LAMA2: variants seen among roughly 807,000 people sequenced by gnomAD.
The protein encoded by LAMA2 is laminin subunit alpha 2, also known as laminin subunit alpha-2.
A neutral mutation model predicts 364.8 loss-of-function variants in LAMA2; 269 were observed. That is an observed-to-expected ratio of 0.74 (90% CI 0.67 to 0.82). The LOEUF is 0.82. Ranked by LOEUF, LAMA2 falls within the 40% of genes least tolerant of loss-of-function variation. The probability of loss-of-function intolerance (pLI) is 0.00; values close to 1 mark genes in which losing one functional copy is unlikely to be tolerated. For synonymous variants in LAMA2, 1,379 were observed against 1,370.6 expected (o/e 1.01, Z -0.14); for missense variants, 3,807 against 3,873.2 (o/e 0.98, Z 0.45).
At chr6:129,319,487 C>T (rs1226351656) in intron 27 of LAMA2, among the ~76,000 whole-genome samples, 3 of 152,052 alleles carry the variant, frequency 2.0e-5, no homozygotes, top group South Asian at 2.1e-4. Context: ...TTTGAGGAAG[C>T]AAAAATGCAA....
At chr6:129,421,051 A>G (rs1345244916) in intron 40 of LAMA2, among the ~76,000 whole-genome samples, 3 of 152,194 alleles carry the variant, frequency 2.0e-5, no homozygotes, top group Admixed American at 2.0e-4. Context: ...CTTATCTATT[A>G]ATCAATGGCA....
intron 55 of LAMA2, among the ~76,000 whole-genome samples, chr6:129,483,776 T>C (rs1784468064): frequency 6.6e-6 from 1 of 152,002 alleles, no homozygotes; most frequent in South Asian, 2.1e-4. Flanking sequence ...ACTGTGCAAA[T>C]AGGAAAGAAT....
At chr6:129,405,388 A>T (rs1780196408) in intron 40 of LAMA2, among the ~76,000 whole-genome samples, 1 of 152,138 alleles carries the variant, frequency 6.6e-6, no homozygotes, top group South Asian at 2.1e-4. Flanking sequence ...CCCTAATTTA[A>T]TACCTTTAGG....
chr6:129,094,506 G>A (rs111988649), intron 3 of LAMA2, among the ~76,000 whole-genome samples: 3 of 152,246 alleles, frequency 2.0e-5, no homozygotes, highest in African/African-American at 7.2e-5. Context: ...GCCAACACAG[G>A]AGCTATGAAG....
chr6:129,223,792 G>T (rs1439961774), intron 12 of LAMA2, among the ~76,000 whole-genome samples: 1 of 152,126 alleles, frequency 6.6e-6, no homozygotes, highest in Non-Finnish European at 1.5e-5. Flanking sequence ...CTCCAGCTTT[G>T]TTCTTTTGGC....
At chr6:129,098,095 C>T (rs1775292038) in intron 3 of LAMA2, 78 bp from the exon 4 acceptor site, 1 of 1,396,208 alleles carries the variant, frequency 7.2e-7, no homozygotes, top group Admixed American at 1.7e-5. Context: ...TCTACTGTAG[C>T]ATTTAGACTT....
intron 40 of LAMA2, among the ~76,000 whole-genome samples, chr6:129,408,673 C>T (rs573049873): frequency 4.6e-5 from 7 of 152,106 alleles, no homozygotes; most frequent in Admixed American, 6.5e-5. Context: ...GGATGCCAGA[C>T]GGAGGGCTCA....
At chr6:129,057,565 T>G (rs1788574997) in intron 2 of LAMA2, among the ~76,000 whole-genome samples, 1 of 152,244 alleles carries the variant, frequency 6.6e-6, no homozygotes. Context: ...ACATTTATTT[T>G]TAATTTCATA....
chr6:129,188,059 G>A (rs1428022584), intron 10 of LAMA2, among the ~76,000 whole-genome samples: 1 of 151,796 alleles, frequency 6.6e-6, no homozygotes, highest in African/African-American at 2.4e-5. Flanking sequence ...AAGCCTTATA[G>A]CAAAAATTAG....
At chr6:129,015,865 G>C (rs1451459904) in intron 1 of LAMA2, among the ~76,000 whole-genome samples, 1 of 151,888 alleles carries the variant, frequency 6.6e-6, no homozygotes, top group Non-Finnish European at 1.5e-5. Context: ...AATTTGGATT[G>C]AAGACAATGG....
chr6:128,936,446 C>G (rs1187684269), intron 1 of LAMA2, among the ~76,000 whole-genome samples: 5 of 151,860 alleles, frequency 3.3e-5, no homozygotes, highest in African/African-American at 1.2e-4. Context: ...GATTTTTATT[C>G]TTTATTCTGT....
In LAMA2 at chr6:129,314,713, C is replaced by A. The variant is rs1222754609; in HGVS notation, c.3470C>A (p.Ala1157Asp). 1.2e-6 allele frequency: 2 copies of A among 1,613,742 alleles called. No homozygotes were observed. Among genetic ancestry groups the A allele is most frequent in the African/African-American group, 2.7e-5 (2 of 74,910 alleles). The change falls in exon 24 of 65, where the codon GCC (alanine) becomes GAC (aspartate). Residue 1157 changes from alanine to aspartate, a missense_variant. Physicochemically the swap from Ala to Asp is moderately radical, Grantham distance 126. This residue lies in a region of LAMA2 where 3,333 missense variants were observed against 3,345.7 expected (regional missense o/e 1.00). Transcript: ENST00000421865. ...RCRPGKFGLD[A>D]KNPLGCSSCY... ...CGGCCTGGCAAATTCGGACTCGATGCCAAGAATCCACTTGGCTGCAGCAGC... is the reference window on the plus strand; with the variant it reads ...CGGCCTGGCAAATTCGGACTCGATGACAAGAATCCACTTGGCTGCAGCAGC...
intron 12 of LAMA2, among the ~76,000 whole-genome samples, chr6:129,238,576 T>TGTGAGA (rs1334320432): frequency 3.1e-5 from 2 of 64,766 alleles, no homozygotes; most frequent in African/African-American, 7.9e-5. Flanking sequence ...TGTGTGTGTG[T>TGTGAGA]GAGAGAGAGA....
chr6:129,037,836 A>AT (rs1168370374), intron 1 of LAMA2, among the ~76,000 whole-genome samples: 17 of 151,832 alleles, frequency 1.1e-4, no homozygotes, highest in African/African-American at 4.1e-4. Context: ...CACCTGGCTA[A>AT]TTTTTTGTAT....
intron 5 of LAMA2, among the ~76,000 whole-genome samples, chr6:129,145,426 A>C (rs773393898): frequency 1.4e-4 from 21 of 152,028 alleles, no homozygotes; most frequent in Admixed American, 6.6e-5. Flanking sequence ...AAAACTAATC[A>C]TTATTTTATA....
In LAMA2 at chr6:129,252,350, GC is replaced by G. The variant is rs3836994; in HGVS notation, c.2096+56del. 2.6e-4 allele frequency: 351 copies of G among 1,366,990 alleles called. 3 individuals are homozygous for G. In the East Asian group the frequency reaches 7.9e-3, roughly 31 times the overall value. 84.7% of individuals were successfully genotyped at this position (1,366,990 alleles called of 1,614,324 possible). A position where few individuals can be genotyped will look rare whatever the true frequency, so the allele number is the denominator to read the frequency against. ...CACACATTTACTTTGGGGCCAAGGT[GC>G]AGGAGCCGCCCCAGGAGTGAATTTT... On this transcript the variant is annotated intron_variant, in intron 14 of 64. Transcript: ENST00000421865.
At chr6:128,966,582 G>C (rs1376746044) in intron 1 of LAMA2, among the ~76,000 whole-genome samples, 6 of 152,062 alleles carry the variant, frequency 3.9e-5, no homozygotes, top group Admixed American at 3.3e-4. Flanking sequence ...CTGTTCTTAA[G>C]AAAGACATTG....
chr6:129,184,638 C>T (rs916555374), intron 10 of LAMA2, among the ~76,000 whole-genome samples: 6 of 151,852 alleles, frequency 4.0e-5, no homozygotes, highest in African/African-American at 1.2e-4. Flanking sequence ...CCTGATGTCT[C>T]CTCTTAATGA....
chr6:129,122,954 TG>T (rs759512555), intron 4 of LAMA2, among the ~76,000 whole-genome samples: 76 of 152,286 alleles, frequency 5.0e-4, no homozygotes, highest in Non-Finnish European at 8.2e-4. Flanking sequence ...GAATGTAAAT[TG>T]GTTCAACCAT....
Sources: gnomAD v4.1 joint callset for allele counts (sites outside exome capture counted in the v4.1 genomes callset) on GRCh38, gnomAD v4.1.1 for gene constraint, gnomAD v4.1.1 regional missense constraint, MANE v1.5 for transcripts, NCBI Gene and HGNC (gene_info 2026-07-23, HGNC 2026-07-21) for gene names.